Variants in PDGFB observed in about 807,000 individuals in gnomAD.
PDGFB encodes platelet derived growth factor subunit B, also known as platelet-derived growth factor subunit B.
Under a neutral mutation model 29.0 loss-of-function variants are expected in PDGFB, and 6 were observed. The observed-to-expected ratio is 0.21, with a 90% CI of 0.11 to 0.41. PDGFB has a LOEUF of 0.41. Among genes scored for constraint, PDGFB ranks in the 10% least tolerant of loss-of-function variants. The probability of loss-of-function intolerance (pLI) is 1.00; values close to 1 mark genes in which losing one functional copy is unlikely to be tolerated. For synonymous variants in PDGFB, 144 were observed against 140.8 expected (o/e 1.02, Z -0.16); for missense variants, 299 against 341.8 (o/e 0.87, Z 0.99).
At chr22:39,240,216 G>C (rs1223750201) in intron 1 of PDGFB, among the ~76,000 whole-genome samples, 2 of 152,154 alleles carry the variant, frequency 1.3e-5, no homozygotes, top group Non-Finnish European at 2.9e-5. Flanking sequence ...AGCAGGAAGA[G>C]AGGAACCAGT....
chr22:39,233,653 C>T (rs1215727359), intron 2 of PDGFB, 129 bp from the exon 3 acceptor site: 1 of 576,196 alleles, frequency 1.7e-6, no homozygotes, highest in Non-Finnish European at 3.0e-6. Context: ...CCTTCCAGCC[C>T]CCATAAATGC....
In PDGFB at chr22:39,242,852, A is replaced by C; in HGVS notation, c.63+1049T>G. On this transcript the variant is annotated intron_variant, in intron 1 of 6. Coordinates refer to ENST00000331163, the MANE Select transcript of PDGFB (RefSeq NM_002608.4). This position sits in a 1 kb window ranked among gnomAD's most constrained non-coding sequence, Gnocchi z 5.7. ...GCCGGGCGGAGGTGGGACGGTACCCAGTCACGCCGCGCTCCCGGCTGCCCT... is the reference window on the plus strand; with the variant it reads ...GCCGGGCGGAGGTGGGACGGTACCCCGTCACGCCGCGCTCCCGGCTGCCCT... 4.3e-6 allele frequency: 1 copy of C among 232,200 alleles called. No homozygotes were observed. The highest frequency in any genetic ancestry group is 8.5e-6 in the Non-Finnish European group (1 of 117,404). The allele number at this position is 232,200 out of a possible 1,614,324, so 14.4% of individuals were successfully genotyped here.
intron 1 of PDGFB, chr22:39,241,119 C>G (rs992822210): frequency 5.0e-5 from 29 of 583,964 alleles, no homozygotes; most frequent in Middle Eastern, 4.6e-4. Flanking sequence ...CACTCTTTCC[C>G]GGAAGAAGTG....
At position 39,240,757 on chromosome 22, in the gene PDGFB, G is replaced by A. The variant is rs190556903; in HGVS notation, c.63+3144C>T. The A allele has an allele frequency of 6.9e-4, 962 of 1,386,932 alleles. 2 individuals carry two copies. Among genetic ancestry groups the A allele is most frequent in the Admixed American group, 1.1e-3 (67 of 59,660 alleles). The allele number at this position is 1,386,932 out of a possible 1,614,324, so 85.9% of individuals were successfully genotyped here. A position where few individuals can be genotyped will look rare whatever the true frequency, so the allele number is the denominator to read the frequency against. On this transcript the variant is annotated intron_variant, in intron 1 of 6. Coordinates refer to ENST00000331163, the MANE Select transcript of PDGFB (RefSeq NM_002608.4). ...GTTGACACTCCAGTAGAGAAAGCAGGTAATAAACAATGAAATAAACCAGAA... is the reference window on the plus strand; with the variant it reads ...GTTGACACTCCAGTAGAGAAAGCAGATAATAAACAATGAAATAAACCAGAA...
At chr22:39,225,503 A>G (rs1932142563) in intron 6 of PDGFB, among the ~76,000 whole-genome samples, 190 bp from the exon 7 acceptor site, 1 of 152,014 alleles carries the variant, frequency 6.6e-6, no homozygotes, top group Non-Finnish European at 1.5e-5. Flanking sequence ...CTCTTAGGGC[A>G]TGCTGGGACA....
chr22:39,230,136 C>T lies in PDGFB; in HGVS notation c.549G>A (p.Val183=), dbSNP rs1202175330. 3 of 1,613,950 alleles carry T rather than the reference C, an allele frequency of 1.9e-6. No individual in the cohort carries two copies. The highest frequency in any genetic ancestry group is 2.5e-6 in the Non-Finnish European group (3 of 1,180,036). ...TTCGGGTCACAGGCCGTGCAGCTGC[C>T]ACTGTCTCACACTTGCATGCCAGGT... is the stretch of plus-strand genomic sequence containing the variant. ...EDHLACKCET[V]AAARPVTRSP... Residue 183 remains valine (V), a synonymous_variant, in exon 5 of 7, where the codon GTG becomes GTA. Transcript: ENST00000331163.
rs1324122052 is a variant in PDGFB, at chr22:39,244,180, C to G, written c.-217G>C. 2 of 282,134 alleles carry G rather than the reference C, an allele frequency of 7.1e-6. No homozygotes were observed. The highest frequency in any genetic ancestry group is 2.2e-5 in the African/African-American group (1 of 45,218). The allele number at this position is 282,134 out of a possible 1,614,324, so 17.5% of individuals were successfully genotyped here. Reference sequence around the variant, plus strand: ...GCTGGGGGGCAGGGGAGGACCTGGGCGCAGGACCTGGGTCCGAGGCCGCTA... The same window carrying G: ...GCTGGGGGGCAGGGGAGGACCTGGGGGCAGGACCTGGGTCCGAGGCCGCTA... On this transcript the variant is annotated 5_prime_UTR_variant, in exon 1 of 7. Transcript: ENST00000331163. This position sits in a 1 kb window ranked among gnomAD's most constrained non-coding sequence, Gnocchi z 4.5.
At chr22:39,240,838 C>A (rs780847793) in intron 1 of PDGFB, 2 of 1,613,554 alleles carry the variant, frequency 1.2e-6, no homozygotes, top group Non-Finnish European at 1.7e-6. Context: ...GAAGACAAGA[C>A]GTGGAGAGGT....
chr22:39,232,723 C>T (rs918905642), intron 3 of PDGFB, among the ~76,000 whole-genome samples: 8 of 152,090 alleles, frequency 5.3e-5, no homozygotes, highest in Middle Eastern at 3.4e-3. Flanking sequence ...CTCTTGACCT[C>T]GTGATCTGCC....
Position 39,231,566 on chromosome 22 carries a change from G to A in PDGFB, c.456+56C>T, listed in dbSNP as rs1932302708. ...GCCTGGTCAGGTATGAGCCCCAGAA[G>A]GGTGGTCTCCACCCACCACCGGGAC... On this transcript the variant is annotated intron_variant, in intron 4 of 6. Transcript: ENST00000331163. The surrounding 1 kb of genome is among the most constrained non-coding windows in gnomAD (Gnocchi z 4.3). 47 of 1,287,680 alleles carry A rather than the reference G, an allele frequency of 3.6e-5. No individual in the cohort carries two copies. The South Asian group carries it at 6.3e-4, about 17-fold the overall frequency. 79.8% of individuals were successfully genotyped at this position (1,287,680 alleles called of 1,614,324 possible).
rs757833048 is a variant in PDGFB at position 39,230,172 on chromosome 22, C to T, written c.513G>A (p.Thr171=). The T allele has an allele frequency of 2.5e-6, 4 of 1,614,076 alleles. No individual in the cohort carries two copies. Among genetic ancestry groups the T allele is most frequent in the Admixed American group, 3.3e-5 (2 of 60,026 alleles). The change falls in exon 5 of 7, where the codon ACG becomes ACA. Residue 171 remains threonine (T), a synonymous_variant. Transcript: ENST00000331163. ...ACTTGCATGCCAGGTGGTCTTCCAG[C>T]GTCACCGTGGCCTTCTTAAAGATTG... The part of the protein sequence containing the change: ...KKPIFKKATV[T]LEDHLACKCE...
intron 3 of PDGFB, among the ~76,000 whole-genome samples, chr22:39,232,046 T>C (rs1280895892): frequency 1.3e-5 from 2 of 152,176 alleles, no homozygotes; most frequent in African/African-American, 4.8e-5. Context: ...GACCATGAGA[T>C]CTACACCCAA....
rs1047232536 is a variant in PDGFB, at chr22:39,224,052, G to A, written c.*1290C>T. 13 of 152,298 alleles carry A rather than the reference G, an allele frequency of 8.5e-5. No homozygotes were observed. Among genetic ancestry groups the A allele is most frequent in the Non-Finnish European group, 1.5e-4 (10 of 68,082 alleles). The allele number at this position is 152,298 out of a possible 1,614,324, so 9.4% of individuals were successfully genotyped here. A position where few individuals can be genotyped will look rare whatever the true frequency, so the allele number is the denominator to read the frequency against. On this transcript the variant is annotated 3_prime_UTR_variant, in exon 7 of 7. Transcript: ENST00000331163. Reference sequence around the variant, plus strand: ...CCCTCCCTTGGAGACCTTCTCCCAGGTGTCCCACACCCACCTGGAAGGGCA... The same window carrying A: ...CCCTCCCTTGGAGACCTTCTCCCAGATGTCCCACACCCACCTGGAAGGGCA...
rs376978407 is a variant in PDGFB, at chr22:39,233,421, T to C, written c.250+14A>G. On this transcript the variant is annotated intron_variant, in intron 3 of 6. Coordinates refer to ENST00000331163, the MANE Select transcript of PDGFB (RefSeq NM_002608.4). ...GCTAATTTGAAGGACCCTTGTTGGGTGTCTCAGTCTTACCCAGGCTCCTTC... is the reference window on the plus strand; with the variant it reads ...GCTAATTTGAAGGACCCTTGTTGGGCGTCTCAGTCTTACCCAGGCTCCTTC... 3.2e-6 allele frequency: 5 copies of C among 1,578,100 alleles called. No individual in the cohort carries two copies. The highest frequency in any genetic ancestry group is 3.4e-6 in the Non-Finnish European group (4 of 1,159,498).
chr22:39,235,424 G>T (rs1343009888), intron 2 of PDGFB, among the ~76,000 whole-genome samples: 5 of 152,192 alleles, frequency 3.3e-5, no homozygotes, highest in Non-Finnish European at 7.4e-5. Context: ...TAGCCAGAGG[G>T]GCGGGGAGAT....
rs1932119862 is a variant in PDGFB at position 39,224,596 on chromosome 22, A to AGGAAGGGGT, written c.*737_*745dup. The AGGAAGGGGT allele has an allele frequency of 6.6e-6, 1 of 152,600 alleles. No individual in the cohort carries two copies. The highest frequency in any genetic ancestry group is 2.1e-4 in the South Asian group (1 of 4,800). 9.5% of individuals were successfully genotyped at this position (152,600 alleles called of 1,614,324 possible). On this transcript the variant is annotated 3_prime_UTR_variant, in exon 7 of 7. Transcript: ENST00000331163. ...AGGTGAATCAGAGTGGAGTGTGGGGAGGAAGGGGTGGCAGGAGGCAGGGGA... is the reference window on the plus strand; with the variant it reads ...AGGTGAATCAGAGTGGAGTGTGGGGAGGAAGGGGTGGAAGGGGTGGCAGGAGGCAGGGGA...
At chr22:39,241,941 G>C (rs528795418) in intron 1 of PDGFB, among the ~76,000 whole-genome samples, 6 of 152,248 alleles carry the variant, frequency 3.9e-5, no homozygotes, top group African/African-American at 7.2e-5. Context: ...GTGCTGATGG[G>C]AGGTTCTCCC....
At chr22:39,235,617 C>G (rs1005432743) in intron 2 of PDGFB, among the ~76,000 whole-genome samples, 161 bp downstream of exon 2, 3 of 152,266 alleles carry the variant, frequency 2.0e-5, no homozygotes, top group African/African-American at 7.2e-5. Context: ...CGCCTGCTGA[C>G]TCGGCCCTGC....
chr22:39,237,202 TC>T (rs1327614238), intron 1 of PDGFB, among the ~76,000 whole-genome samples: 1 of 150,346 alleles, frequency 6.7e-6, no homozygotes, highest in Non-Finnish European at 1.5e-5. Context: ...CTCTGTTTCC[TC>T]CAGCTTATCA....
Sources: gnomAD v4.1 joint callset for allele counts (sites outside exome capture counted in the v4.1 genomes callset) on GRCh38, gnomAD v4.1.1 for gene constraint, Gnocchi (gnomAD v3.1) non-coding constraint, MANE v1.5 for transcripts, NCBI Gene and HGNC (gene_info 2026-07-23, HGNC 2026-07-21) for gene names.